PHTF2: variants seen among roughly 807,000 people sequenced by gnomAD.
The protein encoded by PHTF2 is putative homeodomain transcription factor 2.
A neutral mutation model predicts 101.2 loss-of-function variants in PHTF2; 60 were observed. That is an observed-to-expected ratio of 0.59 (90% CI 0.48 to 0.73). The LOEUF is 0.73. Among genes scored for constraint, PHTF2 ranks in the 30% least tolerant of loss-of-function variants. The pLI, the probability that PHTF2 is intolerant of heterozygous loss-of-function variation, is 0.00. For synonymous variants in PHTF2, 311 were observed against 307.3 expected (o/e 1.01, Z -0.13); for missense variants, 747 against 908.7 (o/e 0.82, Z 2.29).
chr7:77,910,712 G>T (rs1380801670), intron 9 of PHTF2, among the ~76,000 whole-genome samples: 1 of 152,070 alleles, frequency 6.6e-6, no homozygotes, highest in East Asian at 1.9e-4. Context: ...CACGATCTCG[G>T]CTCACTGCAT....
chr7:77,884,373 C>T (rs180974257), intron 3 of PHTF2, among the ~76,000 whole-genome samples: 1 of 152,166 alleles, frequency 6.6e-6, no homozygotes, highest in African/African-American at 2.4e-5. Flanking sequence ...TTTTATCCCT[C>T]ATCTCCCCTT....
intron 11 of PHTF2, among the ~76,000 whole-genome samples, chr7:77,928,477 A>G (rs1804266533): frequency 6.7e-6 from 1 of 150,048 alleles, no homozygotes; most frequent in East Asian, 2.0e-4. Context: ...AGATAAATCC[A>G]CTCTTGCTTA....
chr7:77,847,878 G>A (rs1312434186), intron 2 of PHTF2, among the ~76,000 whole-genome samples: 1 of 151,998 alleles, frequency 6.6e-6, no homozygotes, highest in African/African-American at 2.4e-5. Flanking sequence ...CCCAGCCTCT[G>A]GTAATGATCA....
chr7:77,949,353 CAT>C (rs1342702703), intron 16 of PHTF2, among the ~76,000 whole-genome samples: 1 of 151,490 alleles, frequency 6.6e-6, no homozygotes, highest in South Asian at 2.1e-4. Flanking sequence ...AAAAGATAAA[CAT>C]AAAATTCATT....
intron 1 of PHTF2, among the ~76,000 whole-genome samples, chr7:77,801,613 AC>A (rs1792561746): frequency 6.6e-6 from 1 of 152,134 alleles, no homozygotes; most frequent in Non-Finnish European, 1.5e-5. Context: ...AAACAAAAAA[AC>A]AGTCAAAACT....
intron 3 of PHTF2, among the ~76,000 whole-genome samples, chr7:77,870,796 A>G (rs117398864): frequency 4.0e-3 from 608 of 152,342 alleles, no homozygotes; most frequent in Non-Finnish European, 6.4e-3. Context: ...GCCTAACATA[A>G]CACAGCTATC....
intron 2 of PHTF2, among the ~76,000 whole-genome samples, chr7:77,844,371 CA>C (rs1339078443): frequency 6.6e-6 from 1 of 152,032 alleles, no homozygotes; most frequent in Non-Finnish European, 1.5e-5. Context: ...ACTGAATGGC[CA>C]AAAACCATCA....
At chr7:77,949,855 G>A (rs912441137) in intron 17 of PHTF2, 22 bp downstream of exon 16, 24 of 1,246,764 alleles carry the variant, frequency 1.9e-5, no homozygotes, top group African/African-American at 3.0e-5. Flanking sequence ...TACTTATTAT[G>A]CTACAAATTA....
At chr7:77,836,843 C>T (rs1392849486) in intron 1 of PHTF2, among the ~76,000 whole-genome samples, 3 of 151,986 alleles carry the variant, frequency 2.0e-5, no homozygotes, top group East Asian at 1.9e-4. Context: ...GGAAGGATAG[C>T]GTTAGGAGAA....
rs897043966 is a variant in PHTF2 at position 77,923,371 on chromosome 7, T to C, written c.1119+593T>C. On this transcript the variant is annotated intron_variant, in intron 11 of 19. Transcript: ENST00000416283. ...TTTAAGGCAAATAAATTACACTGTTTATCACTTTTTTATAAACATTACCTT... is the reference window on the plus strand; with the variant it reads ...TTTAAGGCAAATAAATTACACTGTTCATCACTTTTTTATAAACATTACCTT... 7.2e-6 allele frequency: 7 copies of C among 973,988 alleles called. No individual in the cohort carries two copies. The African/African-American group carries it at 1.1e-4, about 15-fold the overall frequency. The allele number at this position is 973,988 out of a possible 1,614,324, so 60.3% of individuals were successfully genotyped here.
chr7:77,952,777 T>C (rs1156642488), intron 18 of PHTF2, among the ~76,000 whole-genome samples: 1 of 152,218 alleles, frequency 6.6e-6, no homozygotes. Flanking sequence ...TTTTTGATCA[T>C]ACATAGTCTC....
At chr7:77,856,423 A>T (rs62462679) in intron 3 of PHTF2, among the ~76,000 whole-genome samples, 1 of 151,862 alleles carries the variant, frequency 6.6e-6, no homozygotes, top group East Asian at 1.9e-4. Context: ...TGGTGTGCTC[A>T]TATCTCACTG....
At chr7:77,886,481 C>G (rs1345817178) in intron 3 of PHTF2, among the ~76,000 whole-genome samples, 1 of 152,120 alleles carries the variant, frequency 6.6e-6, no homozygotes, top group Non-Finnish European at 1.5e-5. Flanking sequence ...CCAGTTTTCC[C>G]TTCCTCCATT....
chr7:77,860,842 G>C (rs1797581662), intron 3 of PHTF2, among the ~76,000 whole-genome samples: 2 of 151,916 alleles, frequency 1.3e-5, no homozygotes, highest in Admixed American at 1.3e-4. Context: ...CTCCCATATA[G>C]GGACGTGCCA....
chr7:77,899,404 G>A (rs140543571), intron 5 of PHTF2, among the ~76,000 whole-genome samples: 1 of 151,828 alleles, frequency 6.6e-6, no homozygotes, highest in East Asian at 1.9e-4. Flanking sequence ...CAAAAGCACC[G>A]TGAACGTTGA....
intron 5 of PHTF2, among the ~76,000 whole-genome samples, chr7:77,900,356 C>G (rs1019770196): frequency 6.6e-6 from 1 of 152,096 alleles, no homozygotes. Flanking sequence ...CTGCTGCTCC[C>G]CTAGCTAGCC....
intron 1 of PHTF2, among the ~76,000 whole-genome samples, chr7:77,804,472 C>G (rs974115028): frequency 6.6e-6 from 1 of 152,118 alleles, no homozygotes; most frequent in Non-Finnish European, 1.5e-5. Context: ...ATTACAGGTG[C>G]CTGTCACCGT....
intron 3 of PHTF2, among the ~76,000 whole-genome samples, chr7:77,866,450 G>T (rs1424229127): frequency 6.6e-6 from 1 of 152,020 alleles, no homozygotes; most frequent in Non-Finnish European, 1.5e-5. Flanking sequence ...TTTTTCCCCT[G>T]AGTATCTGTT....
At chr7:77,858,891 C>G (rs1036194742) in intron 3 of PHTF2, among the ~76,000 whole-genome samples, 1 of 151,988 alleles carries the variant, frequency 6.6e-6, no homozygotes, top group Non-Finnish European at 1.5e-5. Context: ...AACAAATGAC[C>G]ACAAACTGGG....
Sources: gnomAD v4.1 joint callset for allele counts (sites outside exome capture counted in the v4.1 genomes callset) on GRCh38, gnomAD v4.1.1 for gene constraint, MANE v1.5 for transcripts, NCBI Gene and HGNC (gene_info 2026-07-23, HGNC 2026-07-21) for gene names.